The following PRELID2 variants were observed in gnomAD, a reference collection of about 807,000 sequenced individuals.
The protein encoded by PRELID2 is PRELI domain containing 2.
Under a neutral mutation model 28.4 loss-of-function variants are expected in PRELID2, and 25 were observed. The ratio of observed to expected loss-of-function variants is 0.88; its 90% confidence interval spans 0.64 to 1.23. The LOEUF is 1.23. Ranked by LOEUF, PRELID2 falls within the 50% of genes most tolerant of loss-of-function variation. The pLI is 0.00. For synonymous variants in PRELID2, 76 were observed against 71.6 expected, an observed-to-expected ratio of 1.06 and a Z score of -0.31; for missense variants, 201 against 214.4, an observed-to-expected ratio of 0.94 and a Z score of 0.39.
the PRELID2 span, among the ~76,000 whole-genome samples, chr5:145,418,715 C>G: frequency 6.8e-6 from 1 of 147,712 alleles, no homozygotes; most frequent in Non-Finnish European, 1.5e-5. Context: ...TGAACCCCTT[C>G]CTTATACCAT....
intron 1 of PRELID2, among the ~76,000 whole-genome samples, chr5:145,585,052 T>C (rs1580985016): frequency 6.6e-6 from 1 of 152,248 alleles, no homozygotes; most frequent in East Asian, 1.9e-4. Context: ...CTGTCAGTGA[T>C]AGACTGGATA....
In PRELID2 at chr5:145,602,922, G is replaced by A. The variant is rs191114162; in HGVS notation, n.71-129607C>T. On this transcript the variant is annotated intron_variant and non_coding_transcript_variant, in intron 1 of 2. Coordinates refer to the PRELID2 transcript ENST00000510259. ...CAAAAATTTGCCAGGCGTGGTAGCA[G>A]GCATCTGTAATCCCAGCTATTTGGG... Among the ~76,000 whole-genome samples, 399 of 152,152 alleles carry A rather than the reference G, an allele frequency of 2.6e-3. 4 individuals carry two copies. Among genetic ancestry groups the A allele is most frequent in the African/African-American group, 8.9e-3 (371 of 41,540 alleles).
At chr5:145,657,528 G>A (rs1286120702) in intron 1 of PRELID2, among the ~76,000 whole-genome samples, 1 of 152,018 alleles carries the variant, frequency 6.6e-6, no homozygotes, top group Non-Finnish European at 1.5e-5. Flanking sequence ...CACTTAAAAT[G>A]CAAAAAATTA....
chr5:145,650,531 CATATATATATATATATATAT>C lies in PRELID2; in HGVS notation n.70+114380_70+114399del, dbSNP rs56324486. 7.0e-3 allele frequency among the ~76,000 whole-genome samples: 478 copies of C among 68,720 alleles called. 7 individuals carry two copies. The highest frequency in any genetic ancestry group is 0.017 in the African/African-American group (331 of 19,384). The allele number at this position is 68,720 out of a possible 152,430, so 45.1% of individuals were successfully genotyped here. ...GAGCATATCGAATCGCACATATATA[CATATATATATATATATATAT>C]ATATATATATATATATATATATATA... is the stretch of plus-strand genomic sequence containing the variant. On this transcript the variant is annotated intron_variant and non_coding_transcript_variant, in intron 1 of 2. Coordinates refer to the PRELID2 transcript ENST00000510259.
chr5:145,531,516 C>T (rs761615622), intron 1 of PRELID2, among the ~76,000 whole-genome samples: 18 of 152,174 alleles, frequency 1.2e-4, no homozygotes, highest in Non-Finnish European at 2.4e-4. Flanking sequence ...CATCGTCTCA[C>T]CCTTCACTGA....
chr5:145,293,892 A>C, the PRELID2 span, among the ~76,000 whole-genome samples: 1 of 152,174 alleles, frequency 6.6e-6, no homozygotes, highest in Non-Finnish European at 1.5e-5. Context: ...CTACCTGGCC[A>C]ATGGCATCCA....
the PRELID2 span, among the ~76,000 whole-genome samples, chr5:145,384,110 G>A: frequency 1.2e-4 from 19 of 152,076 alleles, no homozygotes; most frequent in Non-Finnish European, 2.2e-4. Context: ...CCACAATGAT[G>A]CACCATTTTA....
At chr5:145,422,727 C>T in the PRELID2 span, among the ~76,000 whole-genome samples, 1 of 151,796 alleles carries the variant, frequency 6.6e-6, no homozygotes, top group Non-Finnish European at 1.5e-5. Context: ...AGCATTTAGT[C>T]CATTTACATT....
chr5:145,551,400 C>CTAAA (rs10574544), intron 1 of PRELID2, among the ~76,000 whole-genome samples: 9,586 of 147,850 alleles, frequency 0.065, 440 homozygotes, highest in African/African-American at 0.14. Flanking sequence ...GACTCAGTCT[C>CTAAA]TAAATAAATA....
At chr5:145,667,208 C>A (rs768712032) in intron 1 of PRELID2, among the ~76,000 whole-genome samples, 17 of 152,022 alleles carry the variant, frequency 1.1e-4, no homozygotes, top group Non-Finnish European at 2.4e-4. Context: ...GTTATAATAC[C>A]TTTAGTGGAT....
chr5:145,813,230 T>C (rs1200242179), intron 4 of PRELID2, among the ~76,000 whole-genome samples: 1 of 152,184 alleles, frequency 6.6e-6, no homozygotes, highest in Non-Finnish European at 1.5e-5. Flanking sequence ...CTGGGTGCAG[T>C]GGCTAGCCAT....
chr5:145,293,315 A>G, the PRELID2 span, among the ~76,000 whole-genome samples: 1 of 152,210 alleles, frequency 6.6e-6, no homozygotes, highest in Non-Finnish European at 1.5e-5. Flanking sequence ...AAATTATCTC[A>G]TAACAATAAT....
chr5:145,575,057 A>C (rs991314869), intron 1 of PRELID2, among the ~76,000 whole-genome samples: 2 of 152,134 alleles, frequency 1.3e-5, no homozygotes, highest in Non-Finnish European at 2.9e-5. Context: ...GAGACCTTTG[A>C]GTGATAGGAA....
chr5:145,377,150 A>G, the PRELID2 span, among the ~76,000 whole-genome samples: 2 of 152,190 alleles, frequency 1.3e-5, no homozygotes, highest in South Asian at 4.1e-4. Context: ...TATTTACCTA[A>G]AAGTCATTCA....
At chr5:145,366,065 G>C in the PRELID2 span, among the ~76,000 whole-genome samples, 1 of 151,760 alleles carries the variant, frequency 6.6e-6, no homozygotes, top group Non-Finnish European at 1.5e-5. Flanking sequence ...ACCTCAATCT[G>C]CCTGTGCAGA....
At chr5:145,279,261 A>T in the PRELID2 span, among the ~76,000 whole-genome samples, 93 of 152,198 alleles carry the variant, frequency 6.1e-4, no homozygotes, top group African/African-American at 2.0e-3. Flanking sequence ...TCATTTCAGT[A>T]TCTACCAGAC....
chr5:145,452,647 G>GT, the PRELID2 span, among the ~76,000 whole-genome samples: 18 of 152,108 alleles, frequency 1.2e-4, no homozygotes, highest in African/African-American at 4.1e-4. Context: ...TTTGGTTAGG[G>GT]TCTGTGTGTA....
chr5:145,404,789 C>G, the PRELID2 span, among the ~76,000 whole-genome samples: 2 of 152,090 alleles, frequency 1.3e-5, no homozygotes, highest in South Asian at 4.1e-4. Flanking sequence ...AGTGAGAAAC[C>G]TAATGAAAGT....
At chr5:145,717,125 T>G (rs1218209754) in intron 1 of PRELID2, among the ~76,000 whole-genome samples, 1 of 152,162 alleles carries the variant, frequency 6.6e-6, no homozygotes, top group African/African-American at 2.4e-5. Context: ...ATGATCCCAT[T>G]AATGCTTATT....
Sources: gnomAD v4.1 joint callset for allele counts (sites outside exome capture counted in the v4.1 genomes callset) on GRCh38, gnomAD v4.1.1 for gene constraint, MANE v1.5 for transcripts, NCBI Gene and HGNC (gene_info 2026-07-23, HGNC 2026-07-21) for gene names.